Variants in SLAMF7 observed in about 807,000 individuals in gnomAD.
SLAMF7 encodes 19A24 protein.
SLAMF7 carries 26 observed loss-of-function variants against 34.1 expected under a neutral mutation model. That is an observed-to-expected ratio of 0.76 (90% CI 0.56 to 1.06). SLAMF7 has a LOEUF of 1.06. Among genes scored for constraint, SLAMF7 ranks in the 50% least tolerant of loss-of-function variants. The probability of loss-of-function intolerance (pLI) is 0.00; values close to 1 mark genes in which losing one functional copy is unlikely to be tolerated. For synonymous variants in SLAMF7, 171 were observed against 156.4 expected (o/e 1.09, Z -0.70); for missense variants, 399 against 402.5 (o/e 0.99, Z 0.07).
Position 160,750,575 on chromosome 1 carries a change from A to G in SLAMF7, c.769+152A>G, listed in dbSNP as rs988933697. 3.0e-5 allele frequency: 27 copies of G among 886,824 alleles called. 1 individual carries two copies. The highest frequency in any genetic ancestry group is 2.5e-4 in the South Asian group (15 of 58,986). The allele number at this position is 886,824 out of a possible 1,614,324, so 54.9% of individuals were successfully genotyped here. Reference sequence around the variant, plus strand: ...CACAGTCTCTGCCCTCAAGAAGCATACAGTCAGCCTGTGCTCCTTAGTTCT... The same window carrying G: ...CACAGTCTCTGCCCTCAAGAAGCATGCAGTCAGCCTGTGCTCCTTAGTTCT... On this transcript the variant is annotated intron_variant, in intron 4 of 6. Coordinates refer to ENST00000368043, the MANE Select transcript of SLAMF7 (RefSeq NM_021181.5).
chr1:160,750,328 C>T lies in SLAMF7; in HGVS notation c.674C>T (p.Ser225Phe). ...GGTGCTGCTGATGACCCAGATTCCT[C>T]CATGGTCCTCCTGTGTCTCCTGTTG... ...CEGAADDPDS[S>F]MVLLCLLLVP... Residue 225 changes from serine (S) to phenylalanine (F), a missense_variant, in exon 4 of 7, where the codon TCC becomes TTC. Ser to Phe is a radical substitution (Grantham distance 155, BLOSUM62 -2). Transcript: ENST00000368043. The T allele has an allele frequency of 6.2e-7, 1 of 1,614,112 alleles. No homozygotes were observed. Among genetic ancestry groups the T allele is most frequent in the Admixed American group, 1.7e-5 (1 of 60,020 alleles).
intron 6 of SLAMF7, among the ~76,000 whole-genome samples, chr1:160,752,812 T>C (rs1197381315): frequency 6.6e-6 from 1 of 152,190 alleles, no homozygotes. Context: ...TCCAAAAAGA[T>C]AAGAATCATT....
rs1435210111 is a variant in SLAMF7 at position 160,753,175 on chromosome 1, T to C, written c.1006T>C (p.Ter336GlnextTer27). 1.2e-6 allele frequency: 2 copies of C among 1,611,518 alleles called. No individual in the cohort carries two copies. The highest frequency in any genetic ancestry group is 3.3e-5 in the Admixed American group (2 of 59,978). The change falls in exon 7 of 7, where the codon TAG (stop) becomes CAG (glutamine). Residue 336 changes from the stop codon to glutamine (Q), a stop_lost. Transcript: ENST00000368043. ...GCTATTTGCCTATGAGAATGTTATCTAGACAGCAGTGCACTCCCCTAAGTC... is the reference window on the plus strand; with the variant it reads ...GCTATTTGCCTATGAGAATGTTATCCAGACAGCAGTGCACTCCCCTAAGTC... The part of the protein sequence containing the change: ...PRLFAYENVI[*>Q]
In SLAMF7 at chr1:160,754,015, C is replaced by G. The variant is rs1664831472; in HGVS notation, c.*838C>G. Reference sequence around the variant, plus strand: ...TTTTAAGGCTGTGCCAGAACCCATCCCAATAAAGAGACCGAGTCTGAAGTC... The same window carrying G: ...TTTTAAGGCTGTGCCAGAACCCATCGCAATAAAGAGACCGAGTCTGAAGTC... On this transcript the variant is annotated 3_prime_UTR_variant, in exon 7 of 7. Transcript: ENST00000368043. The G allele has an allele frequency of 6.6e-6, 1 of 152,414 alleles. No individual in the cohort carries two copies. The highest frequency in any genetic ancestry group is 1.5e-5 in the Non-Finnish European group (1 of 68,068). 9.4% of individuals were successfully genotyped at this position (152,414 alleles called of 1,614,324 possible).
intron 2 of SLAMF7, 72 bp from the exon 3 acceptor site, chr1:160,749,747 GGT>G: frequency 7.4e-7 from 1 of 1,348,080 alleles, no homozygotes; most frequent in Non-Finnish European, 1.0e-6. Flanking sequence ...TCAGGTCCAA[GGT>G]ATCCAAGGAT....
Position 160,750,096 on chromosome 1 carries a change from G to T in SLAMF7, c.649+3G>T, listed in dbSNP as rs747356893. On this transcript the variant is annotated splice_donor_region_variant and intron_variant, in intron 3 of 6. Coordinates refer to ENST00000368043, the MANE Select transcript of SLAMF7 (RefSeq NM_021181.5). ...CCTTGCCAGGAAGCTCTGTGAAGGTGACTGCCTCTCCCCTCTCCACAGGAG... is the reference window on the plus strand; with the variant it reads ...CCTTGCCAGGAAGCTCTGTGAAGGTTACTGCCTCTCCCCTCTCCACAGGAG... 1.4e-5 allele frequency: 23 copies of T among 1,613,052 alleles called. No homozygotes were observed. In the Admixed American group the frequency reaches 3.7e-4, roughly 26 times the overall value.
chr1:160,745,725 A>G (rs1028502284), intron 1 of SLAMF7, among the ~76,000 whole-genome samples: 4 of 152,224 alleles, frequency 2.6e-5, no homozygotes, highest in Admixed American at 6.5e-5. Flanking sequence ...GTACAATTGT[A>G]TTTACAAAAA....
intron 1 of SLAMF7, chr1:160,739,679 G>T: frequency 3.9e-6 from 1 of 256,160 alleles, no homozygotes; most frequent in Non-Finnish European, 7.5e-6. Flanking sequence ...GTTTTCCTGG[G>T]CCTCAGAAAC....
rs1664283976 is a variant in SLAMF7, at chr1:160,748,220, G to A, written c.82G>A (p.Glu28Lys). The stretch of plus-strand genomic sequence containing the variant: ...GTCAGCAGCCTCTGGACCCGTGAAA[G>A]AGCTGGTCGGTTCCGTTGGTGGGGC... The part of the protein sequence containing the change: ...TGSAASGPVK[E>K]LVGSVGGAVT... The change falls in exon 2 of 7, where the codon GAG (glutamate) becomes AAG (lysine). Residue 28 changes from glutamate (E) to lysine (K), a missense_variant. Glu to Lys is a moderately conservative substitution (Grantham distance 56). Transcript: ENST00000368043. 2.5e-6 allele frequency: 4 copies of A among 1,614,048 alleles called. No individual in the cohort carries two copies. Among genetic ancestry groups the A allele is most frequent in the Non-Finnish European group, 3.4e-6 (4 of 1,179,938 alleles).
chr1:160,748,138 T>C, intron 1 of SLAMF7, 56 bp from the exon 2 acceptor site: 1 of 1,557,338 alleles, frequency 6.4e-7, no homozygotes, highest in Non-Finnish European at 8.7e-7. Context: ...AGGGGGTGAG[T>C]AATTGGTGAC....
intron 5 of SLAMF7, 141 bp downstream of exon 5, chr1:160,751,589 C>T: frequency 1.6e-6 from 1 of 640,506 alleles, no homozygotes; most frequent in Non-Finnish European, 2.7e-6. Context: ...ACCTGTGCCT[C>T]CTCCAAGTCT....
intron 1 of SLAMF7, among the ~76,000 whole-genome samples, chr1:160,744,169 A>G (rs1334944767): frequency 6.6e-6 from 1 of 152,256 alleles, no homozygotes; most frequent in East Asian, 1.9e-4. Context: ...CTGCTTAGAT[A>G]TGGTAAAACT....
rs569172113 is a variant in SLAMF7, at chr1:160,750,209, C to T, written c.650-95C>T. The T allele has an allele frequency of 4.4e-6, 7 of 1,578,384 alleles. No individual in the cohort carries two copies. In the Admixed American group the frequency reaches 5.4e-5, roughly 12 times the overall value. ...AAACTGGAGGCCGCTGGGTGGTCACCAGGCTGGGAGGAAGGTGGCAGGTGC... is the reference window on the plus strand; with the variant it reads ...AAACTGGAGGCCGCTGGGTGGTCACTAGGCTGGGAGGAAGGTGGCAGGTGC... On this transcript the variant is annotated intron_variant, in intron 3 of 6. Coordinates refer to ENST00000368043, the MANE Select transcript of SLAMF7 (RefSeq NM_021181.5).
chr1:160,746,152 G>A (rs147114627), intron 1 of SLAMF7, among the ~76,000 whole-genome samples: 142 of 152,290 alleles, frequency 9.3e-4, no homozygotes, highest in Non-Finnish European at 1.8e-3. Context: ...TAAGGCCCAC[G>A]ATAGTTTTAA....
Position 160,746,494 on chromosome 1 carries a change from G to A in SLAMF7, c.56-1700G>A, listed in dbSNP as rs117550265. On this transcript the variant is annotated intron_variant, in intron 1 of 6. Coordinates refer to ENST00000368043, the MANE Select transcript of SLAMF7 (RefSeq NM_021181.5). ...TTCACCCTGACACTTTATGTTAAGA[G>A]GCAGAAGGGGAAATAACTTTGGGTT... 1.6e-4 allele frequency among the ~76,000 whole-genome samples: 25 copies of A among 152,286 alleles called. No homozygotes were observed. The East Asian group carries it at 4.2e-3, about 26-fold the overall frequency.
Position 160,750,079 on chromosome 1 carries a change from G to T in SLAMF7, c.635G>T (p.Arg212Met). The T allele has an allele frequency of 1.9e-6, 3 of 1,613,912 alleles. No homozygotes were observed. Among genetic ancestry groups the T allele is most frequent in the Admixed American group, 3.3e-5 (2 of 60,020 alleles). The change falls in exon 3 of 7, where the codon AGG becomes ATG. Residue 212 changes from arginine (R) to methionine (M), a missense_variant. Arg to Met is a moderately conservative substitution (Grantham distance 91). Coordinates refer to ENST00000368043, the MANE Select transcript of SLAMF7 (RefSeq NM_021181.5). ...SRNFSSPILA[R>M]KLCEGAADDP... Reference sequence around the variant, plus strand: ...AACTTCTCAAGCCCCATCCTTGCCAGGAAGCTCTGTGAAGGTGACTGCCTC... The same window carrying T: ...AACTTCTCAAGCCCCATCCTTGCCATGAAGCTCTGTGAAGGTGACTGCCTC...
At chr1:160,751,084 C>T in intron 4 of SLAMF7, 1 of 438,400 alleles carries the variant, frequency 2.3e-6, no homozygotes, top group Non-Finnish European at 4.2e-6. Flanking sequence ...CTGAAAGTGT[C>T]TTTGACTTTC....
At chr1:160,744,773 A>G (rs544466) in intron 1 of SLAMF7, among the ~76,000 whole-genome samples, 45,736 of 152,150 alleles carry the variant, frequency 0.3, 8,676 homozygotes, top group East Asian at 0.59. Flanking sequence ...ATGATACCCA[A>G]TCTTTATTTG....
At chr1:160,748,792 A>G (rs1664330909) in intron 2 of SLAMF7, among the ~76,000 whole-genome samples, 1 of 152,242 alleles carries the variant, frequency 6.6e-6, no homozygotes, top group African/African-American at 2.4e-5. Context: ...ACATGACCTT[A>G]GCCGAGTTAT....
Sources: gnomAD v4.1 joint callset for allele counts (sites outside exome capture counted in the v4.1 genomes callset) on GRCh38, gnomAD v4.1.1 for gene constraint, MANE v1.5 for transcripts, NCBI Gene and HGNC (gene_info 2026-07-23, HGNC 2026-07-21) for gene names.